The following INPP4B variants were observed in gnomAD, a reference collection of about 807,000 sequenced individuals.
INPP4B encodes inositol polyphosphate-4-phosphatase type II B, also known as inositol polyphosphate 4-phosphatase type II.
Under a neutral mutation model 122.5 loss-of-function variants are expected in INPP4B, and 55 were observed. The ratio of observed to expected loss-of-function variants is 0.45; its 90% confidence interval spans 0.36 to 0.56. The LOEUF (loss-of-function observed/expected upper bound fraction) is 0.56, where lower values mean the gene tolerates loss of function less well. Among genes scored for constraint, INPP4B ranks in the 20% least tolerant of loss-of-function variants. INPP4B has a pLI of 0.00. For missense variants in INPP4B, 1,000 were observed against 1,097.7 expected (o/e 0.91, Z 1.26); for synonymous variants, 403 against 388.7 (o/e 1.04, Z -0.43).
chr4:142,192,333 TAAAAA>T (rs71586265), intron 15 of INPP4B, among the ~76,000 whole-genome samples: 8 of 8,974 alleles, frequency 8.9e-4, no homozygotes, highest in East Asian at 7.0e-3. Flanking sequence ...AATCTAAAAG[TAAAAA>T]AAAAAAAAAA....
In INPP4B at chr4:142,085,360, A is replaced by G. The variant is rs145766958; in HGVS notation, c.2487+784T>C. 3.4e-3 allele frequency among the ~76,000 whole-genome samples: 524 copies of G among 152,332 alleles called. 1 individual carries two copies. Among genetic ancestry groups the G allele is most frequent in the African/African-American group, 0.012 (512 of 41,586 alleles). On this transcript the variant is annotated intron_variant, in intron 24 of 25. Coordinates refer to ENST00000262992, the MANE Select transcript of INPP4B (RefSeq NM_001101669.3). ...AACCTGAGCTCCAAATTATAAGAGT[A>G]ACACTGCAGAAACTGCAAACATGGC...
At chr4:142,730,120 CTTCCT>C (rs1765868283) in intron 1 of INPP4B, among the ~76,000 whole-genome samples, 2 of 152,130 alleles carry the variant, frequency 1.3e-5, no homozygotes, top group African/African-American at 2.4e-5. Context: ...TCCATAAAAT[CTTCCT>C]TTCATCTCCA....
At chr4:142,689,571 T>A (rs989000051) in intron 2 of INPP4B, among the ~76,000 whole-genome samples, 3 of 152,154 alleles carry the variant, frequency 2.0e-5, no homozygotes, top group African/African-American at 7.2e-5. Context: ...CAAAACTCTT[T>A]GTTTAGGGGT....
At chr4:142,783,511 C>T (rs573053066) in intron 1 of INPP4B, among the ~76,000 whole-genome samples, 1 of 152,150 alleles carries the variant, frequency 6.6e-6, no homozygotes, top group African/African-American at 2.4e-5. Context: ...ACCGAAGCAC[C>T]ACGCATAGAC....
In INPP4B at chr4:142,024,686, A is replaced by G. The variant is rs1026954393; in HGVS notation, c.*4096T>C. On this transcript the variant is annotated 3_prime_UTR_variant, in exon 26 of 26. Transcript: ENST00000262992. ...TAACAGTTTTGGTTTCAATTGAGCT[A>G]TATTTATTAGAATCTGGGCACAGTA... The G allele has an allele frequency of 2.6e-5, 4 of 152,136 alleles. No individual in the cohort carries two copies. The highest frequency in any genetic ancestry group is 9.7e-5 in the African/African-American group (4 of 41,448). 9.4% of individuals were successfully genotyped at this position (152,136 alleles called of 1,614,324 possible). A position where few individuals can be genotyped will look rare whatever the true frequency, so the allele number is the denominator to read the frequency against.
intron 16 of INPP4B, among the ~76,000 whole-genome samples, chr4:142,170,170 T>C (rs750228790): frequency 4.9e-4 from 74 of 151,844 alleles, no homozygotes; most frequent in Admixed American, 1.2e-3. Context: ...TTTGCCTTTT[T>C]TGTTGGAATT....
chr4:142,381,873 T>G (rs1484439222), intron 7 of INPP4B, among the ~76,000 whole-genome samples: 1 of 152,092 alleles, frequency 6.6e-6, no homozygotes, highest in Non-Finnish European at 1.5e-5. Flanking sequence ...TGCTTCAGGA[T>G]TCAATATTTT....
At chr4:142,237,156 A>C (rs1317235052) in intron 12 of INPP4B, among the ~76,000 whole-genome samples, 1 of 152,126 alleles carries the variant, frequency 6.6e-6, no homozygotes, top group Non-Finnish European at 1.5e-5. Context: ...TGTTTTATTC[A>C]GTCATCTCCA....
chr4:142,087,085 C>A (rs901207235), intron 23 of INPP4B, among the ~76,000 whole-genome samples: 2 of 152,138 alleles, frequency 1.3e-5, no homozygotes, highest in African/African-American at 4.8e-5. Flanking sequence ...GGGAGGAAGA[C>A]CATACTGTGC....
chr4:142,397,545 A>G (rs1799741662), intron 7 of INPP4B, among the ~76,000 whole-genome samples: 1 of 152,202 alleles, frequency 6.6e-6, no homozygotes, highest in African/African-American at 2.4e-5. Context: ...TGTAAGCTTC[A>G]AAAGAAACAT....
intron 2 of INPP4B, among the ~76,000 whole-genome samples, chr4:142,677,643 C>T (rs1758006978): frequency 6.6e-6 from 1 of 152,034 alleles, no homozygotes; most frequent in Non-Finnish European, 1.5e-5. Flanking sequence ...ACATATACAC[C>T]ATGGAATACT....
At chr4:142,364,195 G>T (rs191488376) in intron 7 of INPP4B, among the ~76,000 whole-genome samples, 2 of 152,094 alleles carry the variant, frequency 1.3e-5, no homozygotes, top group Admixed American at 1.3e-4. Flanking sequence ...GCTAAGAACA[G>T]AAAGAATAAA....
At chr4:142,427,592 T>TG (rs1808384885) in intron 5 of INPP4B, 2 of 436,022 alleles carry the variant, frequency 4.6e-6, no homozygotes, top group Non-Finnish European at 8.2e-6. Flanking sequence ...AGAAGACAGG[T>TG]ATTTGGTTCA....
At chr4:142,523,760 A>C in intron 2 of INPP4B, among the ~76,000 whole-genome samples, 2 of 144,934 alleles carry the variant, frequency 1.4e-5, no homozygotes, top group African/African-American at 2.6e-5. Context: ...GCACCCACTA[A>C]CTCGTCATCT....
chr4:142,768,817 C>G (rs1772564327), intron 1 of INPP4B, among the ~76,000 whole-genome samples: 2 of 152,106 alleles, frequency 1.3e-5, no homozygotes, highest in South Asian at 4.1e-4. Flanking sequence ...ATGAAGAGGT[C>G]AAGATGTGGT....
chr4:142,454,104 C>T (rs920962399), intron 3 of INPP4B, among the ~76,000 whole-genome samples: 8 of 152,022 alleles, frequency 5.3e-5, no homozygotes, highest in African/African-American at 1.9e-4. Flanking sequence ...AAAAAAACAA[C>T]ATGTGTAGAC....
intron 11 of INPP4B, among the ~76,000 whole-genome samples, chr4:142,249,539 G>C (rs940063383): frequency 4.6e-5 from 7 of 152,090 alleles, no homozygotes; most frequent in Non-Finnish European, 8.8e-5. Context: ...CTTTCATGAA[G>C]TGTTTCTAAA....
chr4:142,337,512 GTAT>G (rs1485745076), intron 7 of INPP4B, among the ~76,000 whole-genome samples: 3 of 151,104 alleles, frequency 2.0e-5, no homozygotes, highest in African/African-American at 4.9e-5. Context: ...ATATATCACT[GTAT>G]TATTAATTAA....
chr4:142,173,483 T>G (rs935809903), intron 16 of INPP4B, 149 bp downstream of exon 16: 10 of 630,832 alleles, frequency 1.6e-5, no homozygotes, highest in African/African-American at 3.7e-5. Context: ...CAATTCATTT[T>G]GATCCTGTGG....
Sources: allele counts gnomAD v4.1 joint callset (sites outside exome capture counted in the v4.1 genomes callset), GRCh38; gene constraint gnomAD v4.1.1; transcripts MANE v1.5; gene names NCBI Gene and HGNC (gene_info 2026-07-23, HGNC 2026-07-21).